PANK1: variants seen among roughly 807,000 people sequenced by gnomAD.
PANK1 encodes the protein pantothenic acid kinase 1.
In PANK1, 18 loss-of-function variants were observed where a neutral mutation model predicts 40.1. The observed-to-expected ratio is 0.45, with a 90% confidence interval of 0.31 to 0.67. The LOEUF is 0.67. Ranked by LOEUF, PANK1 falls within the 30% of genes least tolerant of loss-of-function variation. The pLI is 0.06. For missense variants in PANK1, 457 were observed against 599.6 expected (o/e 0.76, Z 2.48); for synonymous variants, 242 against 237.7 (o/e 1.02, Z -0.17).
chr10:89,595,269 G>A (rs1844527167), intron 3 of PANK1, among the ~76,000 whole-genome samples: 1 of 151,998 alleles, frequency 6.6e-6, no homozygotes. Flanking sequence ...TGGCCAACAA[G>A]GTGAAACTCT....
intron 1 of PANK1, among the ~76,000 whole-genome samples, chr10:89,632,412 C>A (rs1201982237): frequency 6.6e-6 from 1 of 152,078 alleles, no homozygotes; most frequent in East Asian, 1.9e-4. Context: ...CAACTCCACC[C>A]TGACATTTCA....
chr10:89,605,657 C>A (rs1276261973), intron 2 of PANK1, among the ~76,000 whole-genome samples: 2 of 152,138 alleles, frequency 1.3e-5, no homozygotes, highest in Non-Finnish European at 2.9e-5. Context: ...GAACTCTGTC[C>A]ATGAGGCTGA....
In PANK1 at chr10:89,599,245, T is replaced by A; in HGVS notation, c.899+7A>T. ...CTGGGTTCAAGCACAAGCAGAAACA[T>A]GTTTACCTGGTCCCTGTAACTCTTT... On this transcript the variant is annotated splice_region_variant and intron_variant, in intron 3 of 6. Transcript: ENST00000307534. The A allele has an allele frequency of 1.2e-6, 2 of 1,611,822 alleles. No homozygotes were observed. Among genetic ancestry groups the A allele is most frequent in the Non-Finnish European group, 1.7e-6 (2 of 1,178,780 alleles).
At chr10:89,641,028 T>C (rs1387443114) in intron 1 of PANK1, among the ~76,000 whole-genome samples, 4 of 152,240 alleles carry the variant, frequency 2.6e-5, no homozygotes, top group Non-Finnish European at 4.4e-5. Flanking sequence ...ATGTGTATTG[T>C]ACAATTCATA....
intron 3 of PANK1, among the ~76,000 whole-genome samples, chr10:89,595,599 C>T (rs1844537754): frequency 6.7e-6 from 1 of 149,002 alleles, no homozygotes; most frequent in Admixed American, 6.7e-5. Context: ...GTGGGTGGAT[C>T]ACCTGAGGTC....
intron 1 of PANK1, among the ~76,000 whole-genome samples, chr10:89,634,682 C>A (rs1841751319): frequency 6.6e-6 from 1 of 152,160 alleles, no homozygotes; most frequent in Admixed American, 6.5e-5. Context: ...ATCTCCTTTG[C>A]ATATAACTGC....
rs1844129569 is a variant in PANK1 at position 89,584,443 on chromosome 10, G to A, written c.1349C>T (p.Ala450Val). The stretch of plus-strand genomic sequence containing the variant: ...AGTCATTTTGAACAGTTCCAACAGT[G>A]CCCCAACGGCTCCAAAATAACCCTA... Reference protein sequence around the residue: ...EHEGYFGAVGALLELFKMTDD... With the variant: ...EHEGYFGAVGVLLELFKMTDD... The change falls in exon 7 of 7, where the codon GCA becomes GTA. Residue 450 changes from alanine to valine, a missense_variant. Transcript: ENST00000307534. The A allele has an allele frequency of 6.2e-7, 1 of 1,608,096 alleles. No individual in the cohort carries two copies. Among genetic ancestry groups the A allele is most frequent in the Non-Finnish European group, 8.5e-7 (1 of 1,174,666 alleles).
intron 1 of PANK1, among the ~76,000 whole-genome samples, chr10:89,636,153 T>A (rs1841800076): frequency 6.6e-6 from 1 of 152,116 alleles, no homozygotes; most frequent in South Asian, 2.1e-4. Flanking sequence ...TAGGCATTGC[T>A]CTAGGAGACT....
chr10:89,606,818 C>T (rs1423094575), intron 2 of PANK1, among the ~76,000 whole-genome samples: 1 of 152,174 alleles, frequency 6.6e-6, no homozygotes, highest in Non-Finnish European at 1.5e-5. Flanking sequence ...GCCACAGGAC[C>T]CCGCCTACCT....
chr10:89,629,803 C>T (rs1019911707), intron 1 of PANK1, among the ~76,000 whole-genome samples: 12 of 152,232 alleles, frequency 7.9e-5, no homozygotes, highest in African/African-American at 2.7e-4. Context: ...CAAATCATAA[C>T]TGTTCTTTTG....
At position 89,591,097 on chromosome 10, in the gene PANK1, A is replaced by G. The variant is rs143782425; in HGVS notation, c.1200+2100T>C. 2.7e-3 allele frequency among the ~76,000 whole-genome samples: 405 copies of G among 152,128 alleles called. 8 individuals are homozygous for G. In the East Asian group the frequency reaches 0.043, roughly 16 times the overall value. On this transcript the variant is annotated intron_variant, in intron 5 of 6. Coordinates refer to ENST00000307534, the MANE Select transcript of PANK1 (RefSeq NM_148977.3). ...ATATAGAATAGTATATGGAGGGTGA[A>G]TTGTATAGCATATAATTATATTTCA...
At chr10:89,640,165 T>C (rs1841929792) in intron 1 of PANK1, among the ~76,000 whole-genome samples, 1 of 152,112 alleles carries the variant, frequency 6.6e-6, no homozygotes, top group Admixed American at 6.5e-5. Flanking sequence ...TGCATGCTTT[T>C]GTAAAAGCAC....
At chr10:89,597,748 C>T (rs1038609886) in intron 3 of PANK1, among the ~76,000 whole-genome samples, 1 of 152,178 alleles carries the variant, frequency 6.6e-6, no homozygotes, top group Non-Finnish European at 1.5e-5. Flanking sequence ...TCAATTACTC[C>T]TTCTGGGAGG....
intron 3 of PANK1, among the ~76,000 whole-genome samples, chr10:89,596,205 T>G (rs1228824232): frequency 6.6e-6 from 1 of 152,194 alleles, no homozygotes; most frequent in Non-Finnish European, 1.5e-5. Flanking sequence ...GTTTTCTCCC[T>G]GTGTGTTTTT....
At chr10:89,643,689 G>T (rs1425513636) in intron 1 of PANK1, 1 of 1,603,148 alleles carries the variant, frequency 6.2e-7, no homozygotes, top group Admixed American at 1.7e-5. Context: ...AGCATTTACT[G>T]TACTTACTTT....
At position 89,645,119 on chromosome 10, in the gene PANK1, G is replaced by A. The variant is rs1255062691; in HGVS notation, c.-228C>T. 2 of 1,494,234 alleles carry A rather than the reference G, an allele frequency of 1.3e-6. No individual in the cohort carries two copies. The highest frequency in any genetic ancestry group is 1.8e-6 in the Non-Finnish European group (2 of 1,126,660). The allele number at this position is 1,494,234 out of a possible 1,614,324, so 92.6% of individuals were successfully genotyped here. On this transcript the variant is annotated 5_prime_UTR_variant, in exon 1 of 7. Coordinates refer to ENST00000307534, the MANE Select transcript of PANK1 (RefSeq NM_148977.3). Reference sequence around the variant, plus strand: ...GCCGGCCCCACGGCGCCGGCCTGGAGCACGCCAGCCCCGGGCGCGGAATCG... The same window carrying A: ...GCCGGCCCCACGGCGCCGGCCTGGAACACGCCAGCCCCGGGCGCGGAATCG...
downstream of PANK1, chr10:89,582,365 G>T (rs1844067375): frequency 6.6e-6 from 1 of 152,164 alleles, no homozygotes; most frequent in South Asian, 2.1e-4. Context: ...TAAAAAACAG[G>T]CTGGCTATAT....
At chr10:89,630,713 C>T (rs1841615683) in intron 1 of PANK1, among the ~76,000 whole-genome samples, 1 of 152,240 alleles carries the variant, frequency 6.6e-6, no homozygotes, top group Admixed American at 6.5e-5. Context: ...AGGATGGTCT[C>T]GATCTCCTGA....
At chr10:89,604,999 C>T (rs1844910300) in intron 2 of PANK1, among the ~76,000 whole-genome samples, 1 of 151,618 alleles carries the variant, frequency 6.6e-6, no homozygotes, top group Admixed American at 6.6e-5. Context: ...GATTTGCCCA[C>T]CTCGGCCTCC....
Sources: gnomAD v4.1 joint callset for allele counts (sites outside exome capture counted in the v4.1 genomes callset) on GRCh38, gnomAD v4.1.1 for gene constraint, MANE v1.5 for transcripts, NCBI Gene and HGNC (gene_info 2026-07-23, HGNC 2026-07-21) for gene names.